The following CTNNA1 variants were observed in gnomAD, a reference collection of about 807,000 sequenced individuals.
The protein encoded by CTNNA1 is catenin alpha-1.
In CTNNA1, 37 loss-of-function variants were observed where a neutral mutation model predicts 98.4. The observed-to-expected ratio is 0.38, with a 90% CI of 0.29 to 0.49. The LOEUF (loss-of-function observed/expected upper bound fraction) is 0.49. Among genes scored for constraint, CTNNA1 ranks in the 20% least tolerant of loss-of-function variants. The pLI is 0.95. For missense variants in CTNNA1, 761 were observed against 1,147.2 expected (o/e 0.66, Z 4.86); for synonymous variants, 404 against 413.2 (o/e 0.98, Z 0.27).
At chr5:138,839,082 C>T (rs1460757136) in intron 7 of CTNNA1, among the ~76,000 whole-genome samples, 3 of 152,110 alleles carry the variant, frequency 2.0e-5, no homozygotes, top group African/African-American at 7.2e-5. Flanking sequence ...TAGTTTAATT[C>T]TAATTCCATA....
At chr5:138,856,539 G>A (rs773532730) in intron 7 of CTNNA1, among the ~76,000 whole-genome samples, 4 of 152,140 alleles carry the variant, frequency 2.6e-5, no homozygotes, top group South Asian at 2.1e-4. Context: ...ATGGGGTCTC[G>A]TCGTGTTGCC....
intron 14 of CTNNA1, among the ~76,000 whole-genome samples, chr5:138,929,989 C>T (rs537806496): frequency 6.6e-6 from 1 of 152,310 alleles, no homozygotes; most frequent in East Asian, 1.9e-4. Context: ...AGGTGGGCAG[C>T]AGGCCTCCAG....
In CTNNA1 at chr5:138,875,553, G is replaced by A. The variant is rs560320011; in HGVS notation, c.1063-10659G>A. The A allele has an allele frequency of 4.1e-6, 4 of 985,494 alleles. No individual in the cohort carries two copies. The East Asian group carries it at 4.5e-4, about 112-fold the overall frequency. 61.0% of individuals were successfully genotyped at this position (985,494 alleles called of 1,614,324 possible). A position where few individuals can be genotyped will look rare whatever the true frequency, so the allele number is the denominator to read the frequency against. On this transcript the variant is annotated intron_variant, in intron 7 of 17. Transcript: ENST00000302763. ...TATTCCTTCAGTGTAGGAAGCAGCAGTGAGGTTGTAATAAAGGCTGCATTC... is the reference window on the plus strand; with the variant it reads ...TATTCCTTCAGTGTAGGAAGCAGCAATGAGGTTGTAATAAAGGCTGCATTC...
chr5:138,769,428 G>A (rs567272100), intron 1 of CTNNA1, among the ~76,000 whole-genome samples: 25 of 151,770 alleles, frequency 1.6e-4, no homozygotes, highest in Admixed American at 1.2e-3. Context: ...TCACTGTGTC[G>A]CCTAGGCTAG....
At chr5:138,851,326 T>C (rs1050004192) in intron 7 of CTNNA1, among the ~76,000 whole-genome samples, 5 of 152,126 alleles carry the variant, frequency 3.3e-5, no homozygotes, top group African/African-American at 7.2e-5. Flanking sequence ...CCTCCAGAGG[T>C]TGTTCAGTTG....
At chr5:138,917,127 T>C (rs1454971426) in intron 10 of CTNNA1, among the ~76,000 whole-genome samples, 2 of 152,256 alleles carry the variant, frequency 1.3e-5, no homozygotes, top group Admixed American at 1.3e-4. Flanking sequence ...GTTTTTTGTT[T>C]GTCAAATATG....
At chr5:138,875,247 G>T in intron 7 of CTNNA1, 1 of 334,746 alleles carries the variant, frequency 3.0e-6, no homozygotes, top group Non-Finnish European at 4.8e-6. Flanking sequence ...ACTTGTTGAT[G>T]GCAGATGGGT....
chr5:138,925,892 C>T (rs979803409), intron 13 of CTNNA1, among the ~76,000 whole-genome samples: 1 of 152,214 alleles, frequency 6.6e-6, no homozygotes, highest in African/African-American at 2.4e-5. Context: ...GAGCCCCTTT[C>T]CCCATAGCCA....
At chr5:138,897,296 C>CCT (rs1757052796) in intron 9 of CTNNA1, among the ~76,000 whole-genome samples, 1 of 47,662 alleles carries the variant, frequency 2.1e-5, no homozygotes, top group Non-Finnish European at 4.4e-5. Context: ...CACACCGCAC[C>CCT]CCCCCCCCCC....
chr5:138,932,360 T>G (rs1433234033), intron 16 of CTNNA1: 1 of 1,391,356 alleles, frequency 7.2e-7, no homozygotes, highest in African/African-American at 1.5e-5. Context: ...TGCGGCGCAG[T>G]CAGGGTCCCA....
At chr5:138,876,648 A>G (rs989597155) in intron 7 of CTNNA1, among the ~76,000 whole-genome samples, 2 of 152,232 alleles carry the variant, frequency 1.3e-5, no homozygotes, top group Admixed American at 1.3e-4. Context: ...GACATCTTTA[A>G]AACTACTGAT....
At chr5:138,866,386 A>G (rs1764791630) in intron 7 of CTNNA1, among the ~76,000 whole-genome samples, 1 of 151,808 alleles carries the variant, frequency 6.6e-6, no homozygotes, top group South Asian at 2.1e-4. Flanking sequence ...ACAATTGTCA[A>G]TAGATATTCA....
At chr5:138,803,795 C>T (rs370215518) in intron 3 of CTNNA1, among the ~76,000 whole-genome samples, 4 of 152,290 alleles carry the variant, frequency 2.6e-5, no homozygotes, top group African/African-American at 9.6e-5. Context: ...TCACTGCCCC[C>T]GACCCTACTC....
Position 138,811,744 on chromosome 5 carries a change from C to T in CTNNA1, c.469-439C>T, listed in dbSNP as rs376384385. Among the ~76,000 whole-genome samples the T allele has an allele frequency of 9.3e-4, 141 of 152,164 alleles. No homozygotes were observed. The East Asian group carries it at 0.025, about 27-fold the overall frequency. ...CAGCCCGGCCAACACAGCGAAACCC[C>T]GTCTCCACCAAAAAAATACGAAAAC... On this transcript the variant is annotated intron_variant, in intron 4 of 17. Transcript: ENST00000302763.
chr5:138,831,259 C>T (rs1423312784), intron 7 of CTNNA1, among the ~76,000 whole-genome samples: 1 of 152,204 alleles, frequency 6.6e-6, no homozygotes, highest in Non-Finnish European at 1.5e-5. Flanking sequence ...TTTGGATGCA[C>T]ATTACAGTCC....
intron 1 of CTNNA1, among the ~76,000 whole-genome samples, chr5:138,758,629 CCTCCCAAGGTGCTGGGATTACAGGTGTG>C (rs1463176793): frequency 1.3e-5 from 2 of 152,170 alleles, no homozygotes; most frequent in Non-Finnish European, 2.9e-5. Flanking sequence ...CCCACCTCGG[CCTCCCAAGGTGCTGGGATTACAGGTGTG>C]AGCCACCACA....
In CTNNA1 at chr5:138,810,924, C is replaced by T. The variant is rs1188456958; in HGVS notation, c.468+720C>T. Among the ~76,000 whole-genome samples the T allele has an allele frequency of 1.2e-4, 17 of 138,004 alleles. 1 individual carries two copies. The highest frequency in any genetic ancestry group is 4.2e-4 in the African/African-American group (16 of 38,372). The allele number at this position is 138,004 out of a possible 152,430, so 90.5% of individuals were successfully genotyped here. A position where few individuals can be genotyped will look rare whatever the true frequency, so the allele number is the denominator to read the frequency against. The stretch of plus-strand genomic sequence containing the variant: ...GGCGGCTGGCCGGGCAGGGGGCTGA[C>T]CCCCCCACCTCCCTCCCGGACGGGG... On this transcript the variant is annotated intron_variant, in intron 4 of 17. Transcript: ENST00000302763.
At chr5:138,777,412 G>A (rs1447355076) in intron 1 of CTNNA1, among the ~76,000 whole-genome samples, 3 of 151,448 alleles carry the variant, frequency 2.0e-5, no homozygotes, top group Non-Finnish European at 4.4e-5. Flanking sequence ...CGTCCCAGAC[G>A]ATGGGCGGCC....
chr5:138,754,109 C>G (rs984434687), intron 1 of CTNNA1: 1 of 152,246 alleles, frequency 6.6e-6, no homozygotes, highest in African/African-American at 2.4e-5. Context: ...GTGGGCCACA[C>G]CCGTGTGGAC....
Sources: allele counts gnomAD v4.1 joint callset (sites outside exome capture counted in the v4.1 genomes callset), GRCh38; gene constraint gnomAD v4.1.1; transcripts MANE v1.5; gene names NCBI Gene and HGNC (gene_info 2026-07-23, HGNC 2026-07-21).